Variants in CDYL2 observed in about 807,000 individuals in gnomAD.
CDYL2 encodes chromodomain Y-like protein 2.
A neutral mutation model predicts 49.4 loss-of-function variants in CDYL2; 23 were observed. The ratio of observed to expected loss-of-function variants is 0.47; its 90% confidence interval spans 0.34 to 0.66. The LOEUF (loss-of-function observed/expected upper bound fraction) is 0.66, where lower values mean the gene tolerates loss of function less well. CDYL2 is among the 30% of genes least tolerant of loss of function. The pLI, the probability that CDYL2 is intolerant of heterozygous loss-of-function variation, is 0.01. For missense variants in CDYL2, 678 were observed against 656.4 expected (o/e 1.03, Z -0.36); for synonymous variants, 360 against 268.8 (o/e 1.34, Z -3.32).
chr16:80,622,516 G>A (rs1200624631), intron 3 of CDYL2, among the ~76,000 whole-genome samples: 12 of 151,662 alleles, frequency 7.9e-5, no homozygotes, highest in African/African-American at 2.9e-4. Flanking sequence ...GTCCACACTT[G>A]CTCAACTGTT....
At position 80,778,757 on chromosome 16, in the gene CDYL2, T is replaced by C. The variant is rs145187728; in HGVS notation, c.24+25393A>G. 5.4e-3 allele frequency among the ~76,000 whole-genome samples: 815 copies of C among 152,068 alleles called. 2 individuals are homozygous for C. The highest frequency in any genetic ancestry group is 8.9e-3 in the Non-Finnish European group (606 of 67,854). On this transcript the variant is annotated intron_variant, in intron 1 of 6. Coordinates refer to ENST00000570137, the MANE Select transcript of CDYL2 (RefSeq NM_152342.4). ...AAAGAAATGGACTTGAATTACCAAA[T>C]AATAAAATGTGTTCTAAAAGCACAA...
At chr16:80,674,574 T>C (rs2142456927) in intron 2 of CDYL2, among the ~76,000 whole-genome samples, 1 of 152,312 alleles carries the variant, frequency 6.6e-6, no homozygotes, top group East Asian at 1.9e-4. Flanking sequence ...ACATTTTCAT[T>C]GCTCAAAATG....
rs892292337 is a variant in CDYL2 at position 80,608,350 on chromosome 16, C to T, written c.1219-115G>A. 6 of 1,162,462 alleles carry T rather than the reference C, an allele frequency of 5.2e-6. No individual in the cohort carries two copies. In the African/African-American group the frequency reaches 6.3e-5, roughly 12 times the overall value. 72.0% of individuals were successfully genotyped at this position (1,162,462 alleles called of 1,614,324 possible). On this transcript the variant is annotated intron_variant, in intron 5 of 6. Coordinates refer to ENST00000570137, the MANE Select transcript of CDYL2 (RefSeq NM_152342.4). The stretch of plus-strand genomic sequence containing the variant: ...CAGTTCTGGAAGGCATCTTGCCTTC[C>T]AGATCCTTATCTTATTTTGGGGTCA...
At chr16:80,650,482 G>A (rs1320946862) in intron 2 of CDYL2, among the ~76,000 whole-genome samples, 2 of 152,146 alleles carry the variant, frequency 1.3e-5, no homozygotes, top group African/African-American at 2.4e-5. Flanking sequence ...ATGCAGGAGA[G>A]GATGTGGAGA....
At chr16:80,717,625 T>G (rs1183677170) in intron 1 of CDYL2, among the ~76,000 whole-genome samples, 1 of 152,190 alleles carries the variant, frequency 6.6e-6, no homozygotes, top group Non-Finnish European at 1.5e-5. Context: ...TCCAGTCTCC[T>G]CCACGATCTG....
chr16:80,754,818 T>G (rs1212099542), intron 1 of CDYL2, among the ~76,000 whole-genome samples: 2 of 152,056 alleles, frequency 1.3e-5, no homozygotes, highest in Non-Finnish European at 2.9e-5. Context: ...TCTAAAAAAT[T>G]AATAAACTGG....
chr16:80,604,449 C>G lies in CDYL2; in HGVS notation c.1460G>C (p.Ser487Thr). The G allele has an allele frequency of 1.9e-6, 3 of 1,614,194 alleles. No individual in the cohort carries two copies. Among genetic ancestry groups the G allele is most frequent in the Non-Finnish European group, 2.5e-6 (3 of 1,180,038 alleles). Residue 487 changes from serine to threonine, a missense_variant, in exon 7 of 7, where the codon AGC (serine) becomes ACC (threonine). Ser to Thr is a moderately conservative substitution (Grantham distance 58). Transcript: ENST00000570137. ...KECLMLKQLW[S>T]SSKGLDSLFS... Reference sequence around the variant, plus strand: ...AAGGGAGTCAAGGCCTTTGGAGGAGCTCCAGAGCTGCTTGAGCATGAGGCA... The same window carrying G: ...AAGGGAGTCAAGGCCTTTGGAGGAGGTCCAGAGCTGCTTGAGCATGAGGCA...
chr16:80,690,210 C>T (rs969461071), intron 1 of CDYL2, among the ~76,000 whole-genome samples: 1 of 152,086 alleles, frequency 6.6e-6, no homozygotes, highest in Non-Finnish European at 1.5e-5. Flanking sequence ...GAAACAACGG[C>T]AGCGGGAATG....
At chr16:80,671,711 G>T (rs1032674962) in intron 2 of CDYL2, among the ~76,000 whole-genome samples, 2 of 152,196 alleles carry the variant, frequency 1.3e-5, no homozygotes, top group Non-Finnish European at 2.9e-5. Context: ...ACGATACCGA[G>T]GCTCCTCTTG....
At chr16:80,643,181 C>G (rs1042469325) in intron 2 of CDYL2, among the ~76,000 whole-genome samples, 73 of 152,276 alleles carry the variant, frequency 4.8e-4, no homozygotes, top group African/African-American at 1.7e-3. Context: ...AGGGCCCAGG[C>G]AATTCCAAAA....
intron 1 of CDYL2, among the ~76,000 whole-genome samples, chr16:80,763,451 A>C (rs1906607826): frequency 6.6e-6 from 1 of 151,880 alleles, no homozygotes. Flanking sequence ...CAAAAAGACA[A>C]AAACAAAAAA....
In CDYL2 at chr16:80,604,280, C is replaced by A. The variant is rs148219646; in HGVS notation, c.*108G>T. ...ACACGAGGAAATGGACACAACCCTA[C>A]GTATAAAGAGACACCTTGACAAACT... On this transcript the variant is annotated 3_prime_UTR_variant, in exon 7 of 7. Coordinates refer to ENST00000570137, the MANE Select transcript of CDYL2 (RefSeq NM_152342.4). 8.2e-7 allele frequency: 1 copy of A among 1,212,836 alleles called. No individual in the cohort carries two copies. Among genetic ancestry groups the A allele is most frequent in the South Asian group, 1.3e-5 (1 of 75,834 alleles). The allele number at this position is 1,212,836 out of a possible 1,614,324, so 75.1% of individuals were successfully genotyped here. A position where few individuals can be genotyped will look rare whatever the true frequency, so the allele number is the denominator to read the frequency against.
At chr16:80,710,592 A>T (rs1904562165) in intron 1 of CDYL2, among the ~76,000 whole-genome samples, 1 of 152,242 alleles carries the variant, frequency 6.6e-6, no homozygotes, top group Admixed American at 6.5e-5. Context: ...TTGTTCAGTG[A>T]ATAGAAAATA....
chr16:80,710,108 A>T (rs1390435845), intron 1 of CDYL2, among the ~76,000 whole-genome samples: 1 of 151,966 alleles, frequency 6.6e-6, no homozygotes, highest in Admixed American at 6.6e-5. Context: ...TTGTATTTTT[A>T]GTACAGACGG....
intron 4 of CDYL2, among the ~76,000 whole-genome samples, chr16:80,614,953 T>G (rs976676739): frequency 6.6e-6 from 1 of 152,056 alleles, no homozygotes; most frequent in Non-Finnish European, 1.5e-5. Flanking sequence ...TATCAAAAGT[T>G]GTGGATATCA....
At chr16:80,668,582 C>A (rs117514498) in intron 2 of CDYL2, among the ~76,000 whole-genome samples, 2,571 of 151,984 alleles carry the variant, frequency 0.017, 23 homozygotes, top group African/African-American at 0.018. Context: ...ACAGAAGTCA[C>A]CTCTAAATAG....
chr16:80,617,872 G>C lies in CDYL2; in HGVS notation c.1007+2891C>G, dbSNP rs529982352. Among the ~76,000 whole-genome samples the C allele has an allele frequency of 3.9e-5, 6 of 152,208 alleles. No homozygotes were observed. In the East Asian group the frequency reaches 1.2e-3, roughly 29 times the overall value. ...CAGAAATCTGGTTAGCATAGGGCGG[G>C]TGTTCTCAACCCTGGCTGCACCTGA... On this transcript the variant is annotated intron_variant, in intron 4 of 6. Coordinates refer to ENST00000570137, the MANE Select transcript of CDYL2 (RefSeq NM_152342.4).
chr16:80,765,517 C>T (rs1045172742), intron 1 of CDYL2, among the ~76,000 whole-genome samples: 3 of 151,788 alleles, frequency 2.0e-5, no homozygotes, highest in Admixed American at 2.0e-4. Flanking sequence ...CCTGGCAGTT[C>T]TTCAAAGAGT....
At chr16:80,675,067 T>C (rs1909687557) in intron 2 of CDYL2, among the ~76,000 whole-genome samples, 1 of 152,216 alleles carries the variant, frequency 6.6e-6, no homozygotes, top group African/African-American at 2.4e-5. Flanking sequence ...AGGTTCCACC[T>C]CCCTGGAATG....
Sources: allele counts gnomAD v4.1 joint callset (sites outside exome capture counted in the v4.1 genomes callset), GRCh38; gene constraint gnomAD v4.1.1; transcripts MANE v1.5; gene names NCBI Gene and HGNC (gene_info 2026-07-23, HGNC 2026-07-21).